The following GARNL3 variants were observed in gnomAD, a reference collection of about 807,000 sequenced individuals.
The protein encoded by GARNL3 is GTPase activating Rap/RanGAP domain like 3, also known as GTPase-activating Rap/Ran-GAP domain-like protein 3.
In GARNL3, 63 loss-of-function variants were observed where a neutral mutation model predicts 125.0. That is an observed-to-expected ratio of 0.50 (90% CI 0.41 to 0.62). The LOEUF (loss-of-function observed/expected upper bound fraction) is 0.62, where lower values mean the gene tolerates loss of function less well. Ranked by LOEUF, GARNL3 falls within the 20% of genes least tolerant of loss-of-function variation. The probability of loss-of-function intolerance (pLI) is 0.00; values close to 1 mark genes in which losing one functional copy is unlikely to be tolerated. For missense variants in GARNL3, 994 were observed against 1,244.0 expected (o/e 0.80, Z 3.02); for synonymous variants, 439 against 457.5 (o/e 0.96, Z 0.52).
intron 6 of GARNL3, among the ~76,000 whole-genome samples, chr9:127,323,790 C>T (rs1429812277): frequency 6.6e-6 from 1 of 151,814 alleles, no homozygotes; most frequent in Non-Finnish European, 1.5e-5. Context: ...TACTGATGTA[C>T]CCATAAAAAT....
chr9:127,354,938 G>A (rs1006851248), intron 19 of GARNL3, among the ~76,000 whole-genome samples: 16 of 152,288 alleles, frequency 1.1e-4, no homozygotes, highest in African/African-American at 3.4e-4. Flanking sequence ...GATTACAGGT[G>A]CCCGCCAGCA....
At chr9:127,317,795 AGTGCTC>A (rs1345682591) in intron 4 of GARNL3, among the ~76,000 whole-genome samples, 1 of 152,200 alleles carries the variant, frequency 6.6e-6, no homozygotes, top group Non-Finnish European at 1.5e-5. Context: ...AGATGGCTCA[AGTGCTC>A]TCCATAATAC....
intron 2 of GARNL3, among the ~76,000 whole-genome samples, chr9:127,302,189 G>A (rs2812282): frequency 0.81 from 123,510 of 151,716 alleles, 50,911 homozygotes; most frequent in African/African-American, 0.94. Context: ...TGATCCACCC[G>A]CCTCGGCCTC....
At chr9:127,334,503 T>C (rs954163168) in intron 9 of GARNL3, among the ~76,000 whole-genome samples, 2 of 152,146 alleles carry the variant, frequency 1.3e-5, no homozygotes, top group African/African-American at 2.4e-5. Flanking sequence ...TGGGCCCCAG[T>C]TGTCAGGTTC....
At chr9:127,304,210 T>C (rs2064881601) in intron 2 of GARNL3, among the ~76,000 whole-genome samples, 1 of 152,208 alleles carries the variant, frequency 6.6e-6, no homozygotes, top group African/African-American at 2.4e-5. Flanking sequence ...ATCTCCAAGA[T>C]CTTTTGTAAA....
In GARNL3 at chr9:127,387,268, C is replaced by A. The variant is rs771513098; in HGVS notation, c.2464C>A (p.Arg822=). 5.6e-6 allele frequency: 9 copies of A among 1,614,110 alleles called. No homozygotes were observed. Among genetic ancestry groups the A allele is most frequent in the Non-Finnish European group, 5.1e-6 (6 of 1,179,990 alleles). ...SGGSSKGASA[R]NSPQTPPGRD... The stretch of plus-strand genomic sequence containing the variant: ...AGGCAGCTCCAAGGGGGCCAGTGCC[C>A]GAAATTCTCCTCAGACACCCCCGGG... The change falls in exon 25 of 28, where the codon CGA becomes AGA. Residue 822 remains arginine (R), a synonymous_variant. Coordinates refer to ENST00000373387, the MANE Select transcript of GARNL3 (RefSeq NM_032293.5).
At chr9:127,358,882 G>C (rs1403008152) in intron 21 of GARNL3, among the ~76,000 whole-genome samples, 3 of 152,118 alleles carry the variant, frequency 2.0e-5, no homozygotes, top group African/African-American at 7.2e-5. Context: ...ATATTTCATT[G>C]CTTTGCAACC....
At chr9:127,263,746 G>A, upstream of GARNL3, 1 of 1,201,354 alleles carries the variant, frequency 8.3e-7, no homozygotes, top group Non-Finnish European at 1.0e-6. Context: ...TCAGCTAAGA[G>A]AGGGAGGACT....
intron 1 of GARNL3, among the ~76,000 whole-genome samples, chr9:127,234,256 T>C (rs893301655): frequency 6.6e-5 from 10 of 152,248 alleles, no homozygotes; most frequent in African/African-American, 2.4e-4. Context: ...GCTTCCTTTC[T>C]TGGAGGAAGA....
intron 25 of GARNL3, among the ~76,000 whole-genome samples, chr9:127,388,036 C>T (rs774341426): frequency 4.6e-5 from 7 of 152,044 alleles, no homozygotes; most frequent in Non-Finnish European, 8.8e-5. Flanking sequence ...GTCCCAGCTA[C>T]TTGGGAGGCT....
At chr9:127,252,838 G>T (rs2063429994) in intron 2 of GARNL3, among the ~76,000 whole-genome samples, 1 of 152,112 alleles carries the variant, frequency 6.6e-6, no homozygotes, top group African/African-American at 2.4e-5. Context: ...TAATGTTATG[G>T]TGTCAGTCAG....
At chr9:127,301,562 C>T (rs2064788420) in intron 2 of GARNL3, among the ~76,000 whole-genome samples, 1 of 152,226 alleles carries the variant, frequency 6.6e-6, no homozygotes, top group Non-Finnish European at 1.5e-5. Context: ...CTTATACCAT[C>T]TGAGCTTGTC....
intron 1 of GARNL3, among the ~76,000 whole-genome samples, chr9:127,225,087 G>A (rs1218381817): frequency 1.4e-5 from 2 of 143,716 alleles, no homozygotes; most frequent in Admixed American, 6.8e-5. Context: ...TGGGCCCAGC[G>A]GAGGGTCTGG....
intron 1 of GARNL3, among the ~76,000 whole-genome samples, chr9:127,270,596 A>C (rs2063801023): frequency 6.6e-6 from 1 of 152,192 alleles, no homozygotes; most frequent in South Asian, 2.1e-4. Context: ...ATCTCAGCTT[A>C]AATACCATCT....
At chr9:127,347,873 T>C (rs1283222668) in intron 16 of GARNL3, among the ~76,000 whole-genome samples, 2 of 152,138 alleles carry the variant, frequency 1.3e-5, no homozygotes, top group African/African-American at 4.8e-5. Context: ...AATATTCTTT[T>C]TGAGACCGTG....
intron 2 of GARNL3, among the ~76,000 whole-genome samples, chr9:127,246,280 T>C (rs1329729941): frequency 1.3e-5 from 2 of 152,078 alleles, no homozygotes; most frequent in Non-Finnish European, 2.9e-5. Flanking sequence ...GAGCAGAAGA[T>C]GTGAAGGTAG....
In GARNL3 at chr9:127,242,016, A is replaced by G. The variant is rs950497484; in HGVS notation, c.-28-1063A>G. Among the ~76,000 whole-genome samples the G allele has an allele frequency of 6.6e-6, 1 of 151,986 alleles. No homozygotes were observed. Among genetic ancestry groups the G allele is most frequent in the African/African-American group, 2.4e-5 (1 of 41,372 alleles). The stretch of plus-strand genomic sequence containing the variant: ...AGCCTTGGGTCTAACTGGCACCACT[A>G]TAGAACCTTCAGAGTGGCCAGTGCC... On this transcript the variant is annotated intron_variant, in intron 1 of 10. Transcript: ENST00000439286. This position sits in a 1 kb window ranked among gnomAD's most constrained non-coding sequence, Gnocchi z 4.6.
intron 17 of GARNL3, among the ~76,000 whole-genome samples, chr9:127,352,297 C>T (rs1280604630): frequency 6.6e-6 from 1 of 152,146 alleles, no homozygotes; most frequent in Non-Finnish European, 1.5e-5. Flanking sequence ...TAAGTTCCTA[C>T]CTAATAAGGT....
chr9:127,371,794 A>G (rs118182894), intron 22 of GARNL3, among the ~76,000 whole-genome samples: 3,121 of 152,366 alleles, frequency 0.02, 60 homozygotes, highest in Non-Finnish European at 0.03. Context: ...AAATTGGTCA[A>G]TTGAACAAAA....
Sources: allele counts gnomAD v4.1 joint callset (sites outside exome capture counted in the v4.1 genomes callset), GRCh38; gene constraint gnomAD v4.1.1; non-coding constraint Gnocchi (gnomAD v3.1); transcripts MANE v1.5; gene names NCBI Gene and HGNC (gene_info 2026-07-23, HGNC 2026-07-21).